The following HELZ variants were observed in gnomAD, a reference collection of about 807,000 sequenced individuals.
HELZ encodes the protein helicase with zinc finger.
In HELZ, 23 loss-of-function variants were observed where a neutral mutation model predicts 218.2. The observed-to-expected ratio is 0.11, with a 90% CI of 0.08 to 0.15. HELZ has a LOEUF of 0.15. HELZ is among the 10% of genes least tolerant of loss of function. HELZ has a pLI of 1.00. For synonymous variants in HELZ, 814 were observed against 829.4 expected, an observed-to-expected ratio of 0.98 and a Z score of 0.32; for missense variants, 1,813 against 2,353.7, an observed-to-expected ratio of 0.77 and a Z score of 4.75.
At chr17:67,163,445 C>A (rs889313976) in intron 15 of HELZ, among the ~76,000 whole-genome samples, 2 of 152,034 alleles carry the variant, frequency 1.3e-5, no homozygotes, top group Non-Finnish European at 2.9e-5. Flanking sequence ...GTCGCCCAGG[C>A]TGGAGTGCAG....
At chr17:67,086,038 G>C (rs893094350) in intron 32 of HELZ, among the ~76,000 whole-genome samples, 1 of 152,024 alleles carries the variant, frequency 6.6e-6, no homozygotes, top group South Asian at 2.1e-4. Flanking sequence ...GGTCTCTCTC[G>C]TGGCCAAACT....
At chr17:67,165,335 G>T (rs564511880) in intron 15 of HELZ, among the ~76,000 whole-genome samples, 1 of 152,242 alleles carries the variant, frequency 6.6e-6, no homozygotes, top group Admixed American at 6.5e-5. Flanking sequence ...GAATGTGAGG[G>T]GAAGTGATAT....
intron 15 of HELZ, among the ~76,000 whole-genome samples, chr17:67,165,281 A>G (rs1468918751): frequency 6.6e-6 from 1 of 152,200 alleles, no homozygotes. Flanking sequence ...TTTGTGTTGT[A>G]ACGCATATTT....
intron 3 of HELZ, among the ~76,000 whole-genome samples, chr17:67,228,644 AGAG>A (rs1456108081): frequency 9.9e-5 from 15 of 151,656 alleles, no homozygotes; most frequent in Admixed American, 2.0e-4. Context: ...CCAGGATGAC[AGAG>A]GAGACTTTGT....
At chr17:67,147,451 A>C (rs1427861363) in intron 20 of HELZ, among the ~76,000 whole-genome samples, 1 of 152,102 alleles carries the variant, frequency 6.6e-6, no homozygotes, top group African/African-American at 2.4e-5. Flanking sequence ...GCCCCAAAGC[A>C]GGACTCTAAT....
At chr17:67,230,156 C>T (rs766850569) in intron 3 of HELZ, among the ~76,000 whole-genome samples, 2 of 152,134 alleles carry the variant, frequency 1.3e-5, no homozygotes, top group Non-Finnish European at 2.9e-5. Context: ...TTTCCTGATC[C>T]ATTTTTCAGG....
In HELZ at chr17:67,196,430, G is replaced by A. The variant is rs190925753; in HGVS notation, c.430-960C>T. ...TTTTACATGCTAGATCGTTATCAGC[G>A]ATATACACATCTGCTGTCAGCAGTC... On this transcript the variant is annotated intron_variant, in intron 7 of 32. Transcript: ENST00000358691. Among the ~76,000 whole-genome samples the A allele has an allele frequency of 7.2e-5, 11 of 152,274 alleles. No individual in the cohort carries two copies. The East Asian group carries it at 1.9e-3, about 27-fold the overall frequency.
At chr17:67,136,664 G>T (rs1233896858) in intron 22 of HELZ, among the ~76,000 whole-genome samples, 1 of 152,128 alleles carries the variant, frequency 6.6e-6, no homozygotes, top group Non-Finnish European at 1.5e-5. Flanking sequence ...GAACCTTGAA[G>T]GCATTATGCT....
At chr17:67,234,138 C>A (rs867343332) in intron 3 of HELZ, among the ~76,000 whole-genome samples, 1 of 149,774 alleles carries the variant, frequency 6.7e-6, no homozygotes, top group Non-Finnish European at 1.5e-5. Context: ...AGCTGGGCAA[C>A]GTGGGAGACC....
upstream of HELZ, chr17:67,245,619 G>T: frequency 9.2e-6 from 7 of 760,368 alleles, no homozygotes; most frequent in Non-Finnish European, 9.6e-6. Context: ...CTTCCAGGAA[G>T]CCCGCGAGCG....
intron 23 of HELZ, among the ~76,000 whole-genome samples, chr17:67,135,087 T>A (rs921212938): frequency 6.6e-6 from 1 of 152,094 alleles, no homozygotes; most frequent in Non-Finnish European, 1.5e-5. Context: ...GTCACAAGTG[T>A]ATAAAGAAAG....
At chr17:67,113,668 A>G (rs1219335224) in intron 28 of HELZ, among the ~76,000 whole-genome samples, 1 of 152,212 alleles carries the variant, frequency 6.6e-6, no homozygotes, top group Non-Finnish European at 1.5e-5. Context: ...ACAAGAGCAA[A>G]TCCTGATGAG....
At chr17:67,079,324 T>A (rs2036114685) in intron 32 of HELZ, among the ~76,000 whole-genome samples, 1 of 152,236 alleles carries the variant, frequency 6.6e-6, no homozygotes, top group South Asian at 2.1e-4. Flanking sequence ...AGAAAGTCAT[T>A]CATACTTCTA....
At chr17:67,205,526 C>T (rs959099246) in intron 5 of HELZ, among the ~76,000 whole-genome samples, 2 of 152,160 alleles carry the variant, frequency 1.3e-5, no homozygotes, top group Non-Finnish European at 2.9e-5. Context: ...ATATTACCTT[C>T]CCCTTCTAAA....
In HELZ at chr17:67,151,155, G is replaced by A. The variant is rs200210392; in HGVS notation, c.2247C>T (p.Ser749=). Reference sequence around the variant, plus strand: ...GGGGCATCTGAAAGGTGGAATGTGCGCTTGAGATCAAACAGTACTGATGCA... The same window carrying A: ...GGGGCATCTGAAAGGTGGAATGTGCACTTGAGATCAAACAGTACTGATGCA... ...PVVHQYCLIS[S]AHSTFQMPQK... Residue 749 remains serine, a synonymous_variant, in exon 18 of 33, where the codon AGC becomes AGT. Transcript: ENST00000358691. The A allele has an allele frequency of 1.1e-3, 1,697 of 1,613,876 alleles. 23 individuals carry two copies. The highest frequency in any genetic ancestry group is 6.0e-4 in the Admixed American group (36 of 60,012).
intron 12 of HELZ, among the ~76,000 whole-genome samples, chr17:67,186,763 A>C (rs2039766596): frequency 6.6e-6 from 1 of 152,192 alleles, no homozygotes; most frequent in Admixed American, 6.5e-5. Context: ...AATACAACCC[A>C]CATGTAAGCC....
intron 6 of HELZ, among the ~76,000 whole-genome samples, chr17:67,202,197 T>C (rs529853823): frequency 6.6e-6 from 1 of 151,968 alleles, no homozygotes; most frequent in Non-Finnish European, 1.5e-5. Flanking sequence ...TTCTTGAAAA[T>C]TATCAACAAA....
At chr17:67,120,895 T>C (rs1484952271) in intron 26 of HELZ, among the ~76,000 whole-genome samples, 1 of 152,238 alleles carries the variant, frequency 6.6e-6, no homozygotes. Context: ...AATTATTCCT[T>C]GAGGCATTAA....
intron 24 of HELZ, among the ~76,000 whole-genome samples, chr17:67,124,476 G>A (rs1258670800): frequency 1.3e-5 from 2 of 151,990 alleles, no homozygotes; most frequent in Non-Finnish European, 1.5e-5. Context: ...GATTTATGAC[G>A]TTTTGAGTAT....
Sources: allele counts gnomAD v4.1 joint callset (sites outside exome capture counted in the v4.1 genomes callset), GRCh38; gene constraint gnomAD v4.1.1; transcripts MANE v1.5; gene names NCBI Gene and HGNC (gene_info 2026-07-23, HGNC 2026-07-21).